The following UMAD1 variants were observed in gnomAD, a reference collection of about 807,000 sequenced individuals.
UMAD1 encodes the protein UBAP1-MVB12-associated (UMA)-domain containing protein 1.
UMAD1 carries 8 observed loss-of-function variants against 6.1 expected under a neutral mutation model. That is an observed-to-expected ratio of 1.30 (90% CI 0.76 to 2.35). UMAD1 has a LOEUF of 2.35. Among genes scored for constraint, UMAD1 ranks in the 30% most tolerant of loss-of-function variants. UMAD1 has a pLI of 0.00. For synonymous variants in UMAD1, 56 were observed against 31.4 expected (o/e 1.78, Z -2.61); for missense variants, 130 against 78.4 (o/e 1.66, Z -2.49).
chr7:7,646,480 A>ATTTTTTTTTTTTTTTTTTTTTTTT (rs35948027), intron 1 of UMAD1, among the ~76,000 whole-genome samples: 1 of 111,360 alleles, frequency 9.0e-6, no homozygotes, highest in Non-Finnish European at 1.8e-5. Context: ...CTTTCGCTGG[A>ATTTTTTTTTTTTTTTTTTTTTTTT]TTTTTTTTTT....
chr7:7,742,975 G>T (rs1267735893), intron 2 of UMAD1, among the ~76,000 whole-genome samples: 9 of 151,810 alleles, frequency 5.9e-5, no homozygotes, highest in African/African-American at 2.2e-4. Context: ...TAAAGCACGT[G>T]CGTTTTACAC....
At chr7:7,783,361 G>C (rs968439775) in intron 2 of UMAD1, among the ~76,000 whole-genome samples, 1 of 151,508 alleles carries the variant, frequency 6.6e-6, no homozygotes, top group Non-Finnish European at 1.5e-5. Context: ...ATGACAACTT[G>C]AGAATCCTAT....
chr7:7,868,783 TC>T (rs1003373009), intron 3 of UMAD1, among the ~76,000 whole-genome samples: 9 of 152,124 alleles, frequency 5.9e-5, no homozygotes, highest in Admixed American at 5.2e-4. Flanking sequence ...ATTCAGCTTC[TC>T]CCCCCTAATT....
At chr7:7,828,848 G>T (rs993482363) in intron 3 of UMAD1, among the ~76,000 whole-genome samples, 1 of 152,066 alleles carries the variant, frequency 6.6e-6, no homozygotes, top group Non-Finnish European at 1.5e-5. Context: ...AAATCGACTG[G>T]CCCAGGTCTT....
intron 2 of UMAD1, among the ~76,000 whole-genome samples, chr7:7,732,268 A>G (rs1459344576): frequency 6.6e-6 from 1 of 152,108 alleles, no homozygotes; most frequent in Non-Finnish European, 1.5e-5. Context: ...TTTTCTTGAA[A>G]TTTACTAATT....
chr7:7,787,266 A>G (rs1583824761), intron 2 of UMAD1, among the ~76,000 whole-genome samples: 2 of 135,882 alleles, frequency 1.5e-5, no homozygotes, highest in East Asian at 4.8e-4. Flanking sequence ...TATGATTTTC[A>G]TAACTTTAAA....
intron 2 of UMAD1, among the ~76,000 whole-genome samples, chr7:7,748,103 AT>A (rs35368211): frequency 0.32 from 45,047 of 140,044 alleles, 7,119 homozygotes; most frequent in Middle Eastern, 0.35. Context: ...CGCCCAGCTA[AT>A]TTTTTTTTTT....
chr7:7,821,819 A>G (rs913498228), intron 3 of UMAD1, among the ~76,000 whole-genome samples: 1 of 152,154 alleles, frequency 6.6e-6, no homozygotes, highest in Non-Finnish European at 1.5e-5. Context: ...GGTTGTTAGT[A>G]TTCAGTTGAT....
chr7:7,771,411 G>A (rs11768218), intron 2 of UMAD1, among the ~76,000 whole-genome samples: 56,469 of 151,864 alleles, frequency 0.37, 11,023 homozygotes, highest in Non-Finnish European at 0.44. Context: ...GGGTGCCATC[G>A]CTGCGGCAGC....
chr7:7,666,493 C>A (rs544075177), intron 1 of UMAD1, among the ~76,000 whole-genome samples: 2 of 152,126 alleles, frequency 1.3e-5, no homozygotes, highest in South Asian at 4.2e-4. Context: ...CAGATGTGAG[C>A]CCCTGTACCT....
At chr7:7,669,892 C>A (rs541939534) in intron 1 of UMAD1, among the ~76,000 whole-genome samples, 2 of 152,126 alleles carry the variant, frequency 1.3e-5, no homozygotes, top group African/African-American at 2.4e-5. Context: ...CATGCCTACA[C>A]GTTTCTTGAC....
intron 2 of UMAD1, among the ~76,000 whole-genome samples, chr7:7,750,517 A>G (rs10281466): frequency 0.024 from 3,599 of 152,256 alleles, 142 homozygotes; most frequent in African/African-American, 0.075. Context: ...TTTCTTGATT[A>G]TAGCTTCTTT....
intron 3 of UMAD1, among the ~76,000 whole-genome samples, chr7:7,834,054 G>A (rs1236400950): frequency 3.5e-5 from 4 of 115,386 alleles, no homozygotes; most frequent in African/African-American, 1.4e-4. Context: ...ACGGAGTCTT[G>A]CTCTGTCACC....
At chr7:7,735,700 A>T in intron 2 of UMAD1, 1 of 152,222 alleles carries the variant, frequency 6.6e-6, no homozygotes, top group African/African-American at 2.4e-5. Context: ...GTCAGCCACC[A>T]CGCCCGGCCA....
intron 2 of UMAD1, among the ~76,000 whole-genome samples, chr7:7,787,012 A>C (rs921503708): frequency 3.3e-5 from 5 of 152,178 alleles, no homozygotes; most frequent in African/African-American, 9.7e-5. Flanking sequence ...AACTTATTAG[A>C]GATTAGAATT....
intron 2 of UMAD1, among the ~76,000 whole-genome samples, chr7:7,688,857 A>G (rs969177328): frequency 2.6e-5 from 4 of 152,208 alleles, no homozygotes; most frequent in African/African-American, 7.2e-5. Context: ...CTTGTAAACC[A>G]TTTAATATTT....
chr7:7,711,972 A>G (rs1180744798), intron 2 of UMAD1, among the ~76,000 whole-genome samples: 1 of 151,940 alleles, frequency 6.6e-6, no homozygotes, highest in African/African-American at 2.4e-5. Context: ...TTTTGTAGGG[A>G]TAACCTATTT....
chr7:7,770,732 G>A (rs1415415074), intron 2 of UMAD1, among the ~76,000 whole-genome samples: 1 of 152,096 alleles, frequency 6.6e-6, no homozygotes, highest in African/African-American at 2.4e-5. Context: ...AGGTGCACAT[G>A]TACCCTAAAA....
intron 3 of UMAD1, among the ~76,000 whole-genome samples, chr7:7,818,455 C>T (rs1331933333): frequency 2.6e-5 from 4 of 152,016 alleles, no homozygotes; most frequent in African/African-American, 4.8e-5. Flanking sequence ...CAAATCAAAA[C>T]CACAATGAGA....
Sources: allele counts gnomAD v4.1 joint callset (sites outside exome capture counted in the v4.1 genomes callset), GRCh38; gene constraint gnomAD v4.1.1; transcripts MANE v1.5; gene names NCBI Gene and HGNC (gene_info 2026-07-23, HGNC 2026-07-21).